Variants in TTC28 observed in about 807,000 individuals in gnomAD.
The protein encoded by TTC28 is tetratricopeptide repeat protein 28.
TTC28 carries 61 observed loss-of-function variants against 198.0 expected under a neutral mutation model. The observed-to-expected ratio is 0.31, with a 90% CI of 0.25 to 0.38. TTC28 has a LOEUF of 0.38. Among genes scored for constraint, TTC28 ranks in the 10% least tolerant of loss-of-function variants. TTC28 has a pLI of 1.00. For synonymous variants in TTC28, 1,171 were observed against 1,297.8 expected (o/e 0.90, Z 2.10); for missense variants, 2,678 against 3,164.0 (o/e 0.85, Z 3.69).
chr22:28,564,368 C>T (rs1439560076), intron 2 of TTC28, among the ~76,000 whole-genome samples: 1 of 152,072 alleles, frequency 6.6e-6, no homozygotes, highest in African/African-American at 2.4e-5. Context: ...AAAGATCTTA[C>T]AAGATCTTAC....
chr22:28,098,264 A>G (rs1942031853), intron 10 of TTC28, among the ~76,000 whole-genome samples: 1 of 152,326 alleles, frequency 6.6e-6, no homozygotes, highest in Middle Eastern at 3.4e-3. Flanking sequence ...GGATGAGGAA[A>G]TAGACAAGAG....
Position 28,428,607 on chromosome 22 carries a change from ATTATTTTATTTTATT to A in TTC28, c.382-121979_382-121965del, listed in dbSNP as rs202173981. On this transcript the variant is annotated intron_variant, in intron 2 of 22. Coordinates refer to ENST00000397906, the MANE Select transcript of TTC28 (RefSeq NM_001145418.2). ...CCCAAGTTCTAACATTTCATGAATT[ATTATTTTATTTTATT>A]TTATTTTATTTTATTTTATTTTATT... Among the ~76,000 whole-genome samples the A allele has an allele frequency of 9.6e-3, 1,371 of 142,216 alleles. 18 individuals are homozygous for A. Among genetic ancestry groups the A allele is most frequent in the African/African-American group, 0.033 (1,276 of 39,056 alleles). 93.3% of individuals were successfully genotyped at this position (142,216 alleles called of 152,430 possible).
At chr22:28,021,396 G>C (rs1323867240) in intron 13 of TTC28, among the ~76,000 whole-genome samples, 1 of 152,188 alleles carries the variant, frequency 6.6e-6, no homozygotes, top group Admixed American at 6.5e-5. Context: ...GGGAGGGGCA[G>C]CTAGGAAGGG....
intron 2 of TTC28, among the ~76,000 whole-genome samples, chr22:28,463,663 C>CA (rs1331744113): frequency 2.0e-5 from 3 of 149,562 alleles, no homozygotes; most frequent in African/African-American, 4.9e-5. Flanking sequence ...ATGGCAAGGA[C>CA]AAAAAACCAG....
At chr22:28,465,605 C>T in intron 2 of TTC28, among the ~76,000 whole-genome samples, 1 of 150,810 alleles carries the variant, frequency 6.6e-6, no homozygotes, top group East Asian at 1.9e-4. Flanking sequence ...GCGTGGGCAA[C>T]AAGAGCGAAA....
intron 5 of TTC28, among the ~76,000 whole-genome samples, chr22:28,225,774 G>C (rs116391540): frequency 0.017 from 2,522 of 152,202 alleles, 95 homozygotes; most frequent in African/African-American, 0.058. Context: ...CTTTGCATTC[G>C]CTACTTTTTG....
At chr22:28,526,888 T>G (rs1732052526) in intron 2 of TTC28, among the ~76,000 whole-genome samples, 2 of 151,674 alleles carry the variant, frequency 1.3e-5, no homozygotes, top group Admixed American at 1.3e-4. Flanking sequence ...TCCCAAGTAG[T>G]TGGGATTACA....
chr22:28,423,517 C>T (rs1383722815), intron 2 of TTC28, among the ~76,000 whole-genome samples: 2 of 152,216 alleles, frequency 1.3e-5, no homozygotes, highest in Non-Finnish European at 1.5e-5. Context: ...TAATCCGTTT[C>T]AGCCCTCTAT....
intron 1 of TTC28, among the ~76,000 whole-genome samples, chr22:28,646,961 T>G (rs181907454): frequency 8.5e-5 from 13 of 152,304 alleles, no homozygotes; most frequent in Admixed American, 4.6e-4. Context: ...CTGGAGGCAT[T>G]ACATTGTTGG....
At chr22:28,531,967 A>G (rs1350369830) in intron 2 of TTC28, among the ~76,000 whole-genome samples, 2 of 152,250 alleles carry the variant, frequency 1.3e-5, no homozygotes, top group Non-Finnish European at 2.9e-5. Context: ...GGAAAGATCT[A>G]AAATTGACAC....
chr22:28,593,082 T>C (rs983473360), intron 2 of TTC28, among the ~76,000 whole-genome samples: 13 of 150,894 alleles, frequency 8.6e-5, no homozygotes, highest in Non-Finnish European at 1.3e-4. Flanking sequence ...AATTTCATAG[T>C]AGCTTTTGGG....
intron 5 of TTC28, among the ~76,000 whole-genome samples, chr22:28,166,067 C>A (rs1921901180): frequency 6.6e-6 from 1 of 152,046 alleles, no homozygotes; most frequent in South Asian, 2.1e-4. Flanking sequence ...CAACAAAGAT[C>A]AAAAGAGACA....
rs937248165 is a variant in TTC28, at chr22:28,437,262, T to C, written c.382-130619A>G. Among the ~76,000 whole-genome samples the C allele has an allele frequency of 3.9e-5, 6 of 152,098 alleles. 1 individual carries two copies. Among genetic ancestry groups the C allele is most frequent in the Non-Finnish European group, 8.8e-5 (6 of 68,006 alleles). On this transcript the variant is annotated intron_variant, in intron 2 of 22. Coordinates refer to ENST00000397906, the MANE Select transcript of TTC28 (RefSeq NM_001145418.2). ...TATTCCTGGCTAATTTTTGTATTTT[T>C]AGTAGAGACGGGGTTTCAATATGTT...
At chr22:28,389,037 A>T (rs1187205993) in intron 2 of TTC28, among the ~76,000 whole-genome samples, 1 of 151,050 alleles carries the variant, frequency 6.6e-6, no homozygotes, top group South Asian at 2.1e-4. Flanking sequence ...ATTTATTGAG[A>T]GTTTTTAGCA....
At chr22:28,613,950 C>A (rs1407601339) in intron 2 of TTC28, among the ~76,000 whole-genome samples, 2 of 152,114 alleles carry the variant, frequency 1.3e-5, no homozygotes, top group Admixed American at 6.5e-5. Context: ...CCAGAGAAAT[C>A]AGGCAAGAGA....
intron 2 of TTC28, among the ~76,000 whole-genome samples, chr22:28,401,418 C>A (rs370246459): frequency 7.9e-5 from 12 of 152,144 alleles, no homozygotes; most frequent in African/African-American, 2.9e-4. Context: ...GAGTTTGAGA[C>A]CAGCCTGGCC....
chr22:28,593,484 G>A (rs1160083050), intron 2 of TTC28, among the ~76,000 whole-genome samples: 1 of 143,196 alleles, frequency 7.0e-6, no homozygotes, highest in Non-Finnish European at 1.5e-5. Context: ...TAGGTAGGTA[G>A]GTAGGTAGGT....
At chr22:28,669,986 A>C (rs2051852645) in intron 1 of TTC28, among the ~76,000 whole-genome samples, 1 of 152,038 alleles carries the variant, frequency 6.6e-6, no homozygotes, top group Admixed American at 6.6e-5. Context: ...ATATGTATAC[A>C]CAGAATACAA....
rs894304548 is a variant in TTC28 at position 28,451,998 on chromosome 22, C to CTGTGTGTA, written c.382-145363_382-145356dup. On this transcript the variant is annotated intron_variant, in intron 2 of 22. Transcript: ENST00000397906. The stretch of plus-strand genomic sequence containing the variant: ...AACCCTGATTATTCAGTGGTAGTGA[C>CTGTGTGTA]TGTGTGTATGTGTGTATGTGTGTGT... Among the ~76,000 whole-genome samples the CTGTGTGTA allele has an allele frequency of 3.0e-3, 453 of 152,090 alleles. 4 individuals are homozygous for CTGTGTGTA. The highest frequency in any genetic ancestry group is 0.01 in the African/African-American group (433 of 41,496).
Sources: allele counts gnomAD v4.1 joint callset (sites outside exome capture counted in the v4.1 genomes callset), GRCh38; gene constraint gnomAD v4.1.1; transcripts MANE v1.5; gene names NCBI Gene and HGNC (gene_info 2026-07-23, HGNC 2026-07-21).